Variants in CLIC5 observed in about 807,000 individuals in gnomAD.
The protein encoded by CLIC5 is chloride intracellular channel protein 5.
In CLIC5, 20 loss-of-function variants were observed where a neutral mutation model predicts 24.7. The ratio of observed to expected loss-of-function variants is 0.81; its 90% confidence interval spans 0.57 to 1.18. The LOEUF is 1.18. CLIC5 is among the 50% of genes most tolerant of loss of function. CLIC5 has a pLI of 0.00. For synonymous variants in CLIC5, 159 were observed against 135.6 expected, an observed-to-expected ratio of 1.17 and a Z score of -1.20; for missense variants, 341 against 326.1, an observed-to-expected ratio of 1.05 and a Z score of -0.35.
chr6:46,062,974 A>G (rs1762330564), intron 1 of CLIC5, among the ~76,000 whole-genome samples: 1 of 152,178 alleles, frequency 6.6e-6, no homozygotes, highest in Non-Finnish European at 1.5e-5. Context: ...CTGTTTTCTC[A>G]TTGCTGAAAA....
chr6:46,035,287 T>C (rs1460598100), intron 1 of CLIC5, among the ~76,000 whole-genome samples: 2 of 152,164 alleles, frequency 1.3e-5, no homozygotes, highest in African/African-American at 4.8e-5. Context: ...TGAGTAATAT[T>C]AGAGGAAGAA....
chr6:45,893,851 G>T (rs1328579253), downstream of CLIC5, among the ~76,000 whole-genome samples: 1 of 152,126 alleles, frequency 6.6e-6, no homozygotes, highest in Non-Finnish European at 1.5e-5. Flanking sequence ...TAATCCTTAT[G>T]TGGACTAAAA....
At chr6:46,024,210 C>A (rs1368699369) in intron 1 of CLIC5, among the ~76,000 whole-genome samples, 2 of 152,096 alleles carry the variant, frequency 1.3e-5, no homozygotes, top group African/African-American at 4.8e-5. Flanking sequence ...AACTAGATTC[C>A]ATTTGCCTTG....
At chr6:45,978,715 G>A (rs1452676039) in intron 1 of CLIC5, among the ~76,000 whole-genome samples, 1 of 152,196 alleles carries the variant, frequency 6.6e-6, no homozygotes, top group Admixed American at 6.5e-5. Flanking sequence ...CCAGTACTTT[G>A]GGAGGCTGAG....
At chr6:45,980,966 C>A (rs1407207349) in intron 1 of CLIC5, among the ~76,000 whole-genome samples, 1 of 151,968 alleles carries the variant, frequency 6.6e-6, no homozygotes, top group Non-Finnish European at 1.5e-5. Context: ...TGCTTATTTT[C>A]ATTTTCTGTT....
At chr6:46,001,054 T>C (rs1267883545) in intron 1 of CLIC5, among the ~76,000 whole-genome samples, 1 of 152,198 alleles carries the variant, frequency 6.6e-6, no homozygotes, top group East Asian at 1.9e-4. Context: ...GAATGAAAGT[T>C]GCCTCGCCCT....
At chr6:46,014,037 G>T (rs1451667359) in intron 1 of CLIC5, among the ~76,000 whole-genome samples, 1 of 152,154 alleles carries the variant, frequency 6.6e-6, no homozygotes, top group African/African-American at 2.4e-5. Flanking sequence ...TCCAGCCTGG[G>T]GTGGGGGTGG....
chr6:46,031,628 A>T (rs1767501359), intron 1 of CLIC5, among the ~76,000 whole-genome samples: 1 of 152,086 alleles, frequency 6.6e-6, no homozygotes, highest in African/African-American at 2.4e-5. Flanking sequence ...TATAATGGTC[A>T]AGAGGTCCAC....
Position 46,064,788 on chromosome 6 carries a change from T to C in CLIC5, c.540+14915A>G, listed in dbSNP as rs370347081. 1.8e-3 allele frequency among the ~76,000 whole-genome samples: 271 copies of C among 152,212 alleles called. 1 individual carries two copies. The highest frequency in any genetic ancestry group is 6.1e-3 in the African/African-American group (255 of 41,562). ...AAATAAATCCATATGTTGTACCATA[T>C]ACAAAATAAACTTGAAGTGGATGAT... is the stretch of plus-strand genomic sequence containing the variant. On this transcript the variant is annotated intron_variant, in intron 1 of 5. Coordinates refer to the CLIC5 transcript ENST00000185206.
At chr6:45,993,597 A>C (rs1766020619) in intron 1 of CLIC5, among the ~76,000 whole-genome samples, 1 of 150,792 alleles carries the variant, frequency 6.6e-6, no homozygotes, top group Non-Finnish European at 1.5e-5. Flanking sequence ...CTCTCTTGCT[A>C]CTCTGAGTAA....
the CLIC5 span, among the ~76,000 whole-genome samples, chr6:46,091,469 C>T: frequency 6.6e-6 from 1 of 152,132 alleles, no homozygotes; most frequent in African/African-American, 2.4e-5. Context: ...AGCATGGTGG[C>T]TCATGCCTGT....
At chr6:45,987,505 C>T (rs1037303524) in intron 1 of CLIC5, among the ~76,000 whole-genome samples, 19 of 152,196 alleles carry the variant, frequency 1.2e-4, no homozygotes, top group African/African-American at 3.6e-4. Flanking sequence ...ATTTTTGTAT[C>T]GTTGTTATAA....
chr6:46,008,563 C>T (rs1766683825), intron 1 of CLIC5, among the ~76,000 whole-genome samples: 1 of 152,184 alleles, frequency 6.6e-6, no homozygotes, highest in South Asian at 2.1e-4. Flanking sequence ...CCCCCTTCAG[C>T]TTTCACAGAG....
downstream of CLIC5, among the ~76,000 whole-genome samples, chr6:45,896,120 G>A (rs1306361722): frequency 6.6e-6 from 1 of 152,166 alleles, no homozygotes; most frequent in Non-Finnish European, 1.5e-5. Flanking sequence ...AGATTTCAGT[G>A]AATCTAAGTA....
chr6:46,005,839 C>A (rs997705155), intron 1 of CLIC5, among the ~76,000 whole-genome samples: 1 of 151,574 alleles, frequency 6.6e-6, no homozygotes, highest in Non-Finnish European at 1.5e-5. Context: ...GTGGCCCTCA[C>A]CAGACACCAA....
At chr6:45,946,965 A>T (rs1330674901) in intron 3 of CLIC5, among the ~76,000 whole-genome samples, 1 of 152,208 alleles carries the variant, frequency 6.6e-6, no homozygotes, top group Non-Finnish European at 1.5e-5. Context: ...AAAACCTCCT[A>T]TACACAACTG....
At chr6:46,034,102 T>C (rs1014510042) in intron 1 of CLIC5, among the ~76,000 whole-genome samples, 13 of 152,360 alleles carry the variant, frequency 8.5e-5, no homozygotes, top group African/African-American at 2.6e-4. Flanking sequence ...GATCTTAAAA[T>C]ACCAGAAGTT....
intron 1 of CLIC5, among the ~76,000 whole-genome samples, chr6:46,065,385 A>G (rs893380834): frequency 1.3e-5 from 2 of 151,962 alleles, no homozygotes; most frequent in Non-Finnish European, 2.9e-5. Flanking sequence ...AACATTCACT[A>G]ACCATATAAC....
At chr6:46,010,759 G>C (rs1347026504) in intron 1 of CLIC5, among the ~76,000 whole-genome samples, 1 of 152,206 alleles carries the variant, frequency 6.6e-6, no homozygotes, top group Non-Finnish European at 1.5e-5. Flanking sequence ...CCAGGGATGT[G>C]TTACCAGGAG....
Sources: allele counts gnomAD v4.1 joint callset (sites outside exome capture counted in the v4.1 genomes callset), GRCh38; gene constraint gnomAD v4.1.1; transcripts MANE v1.5; gene names NCBI Gene and HGNC (gene_info 2026-07-23, HGNC 2026-07-21).